Variants in LDLRAD3 observed in about 807,000 individuals in gnomAD.
LDLRAD3 encodes low-density lipoprotein receptor class A domain-containing protein 3.
Under a neutral mutation model 29.4 loss-of-function variants are expected in LDLRAD3, and 20 were observed. That is an observed-to-expected ratio of 0.68 (90% CI 0.48 to 0.99). The LOEUF (loss-of-function observed/expected upper bound fraction) is 0.99, where lower values mean the gene tolerates loss of function less well. LDLRAD3 is among the 50% of genes least tolerant of loss of function. The probability of loss-of-function intolerance (pLI) is 0.00; values close to 1 mark genes in which losing one functional copy is unlikely to be tolerated. For missense variants in LDLRAD3, 420 were observed against 454.3 expected, an observed-to-expected ratio of 0.92 and a Z score of 0.69; for synonymous variants, 157 against 192.7, an observed-to-expected ratio of 0.81 and a Z score of 1.53.
intron 1 of LDLRAD3, among the ~76,000 whole-genome samples, chr11:35,962,047 A>C (rs1851284075): frequency 6.6e-6 from 1 of 152,216 alleles, no homozygotes; most frequent in Non-Finnish European, 1.5e-5. Flanking sequence ...GTCACTAATC[A>C]TGAACTAGAA....
intron 4 of LDLRAD3, among the ~76,000 whole-genome samples, chr11:36,152,770 CTT>C (rs1181141999): frequency 6.6e-6 from 1 of 152,236 alleles, no homozygotes; most frequent in Non-Finnish European, 1.5e-5. Flanking sequence ...TTCCCCCAGA[CTT>C]TACTCCATGC....
At chr11:35,989,670 A>G (rs996709383) in intron 1 of LDLRAD3, among the ~76,000 whole-genome samples, 24 of 152,144 alleles carry the variant, frequency 1.6e-4, no homozygotes, top group African/African-American at 5.3e-4. Flanking sequence ...TGGCTATTAT[A>G]AATGGGATTG....
At chr11:36,076,222 GTCCATCCA>G (rs56767260) in intron 2 of LDLRAD3, among the ~76,000 whole-genome samples, 39 of 145,514 alleles carry the variant, frequency 2.7e-4, no homozygotes, top group African/African-American at 6.0e-4. Context: ...CTGTCCATCC[GTCCATCCA>G]TCCATCCATC....
chr11:36,077,117 A>G (rs889229331), intron 2 of LDLRAD3, among the ~76,000 whole-genome samples: 1 of 152,222 alleles, frequency 6.6e-6, no homozygotes, highest in Non-Finnish European at 1.5e-5. Context: ...GTTAAGTCAG[A>G]TAGATATACT....
intron 2 of LDLRAD3, among the ~76,000 whole-genome samples, chr11:36,057,888 G>A (rs902110416): frequency 6.6e-6 from 1 of 152,076 alleles, no homozygotes; most frequent in African/African-American, 2.4e-5. Flanking sequence ...TTCACATCCT[G>A]GCTCTGCCAC....
rs138630280 is a variant in LDLRAD3, at chr11:36,064,012, A to G, written c.194-17641A>G. Among the ~76,000 whole-genome samples the G allele has an allele frequency of 3.5e-3, 529 of 152,290 alleles. 5 individuals carry two copies. The highest frequency in any genetic ancestry group is 0.012 in the African/African-American group (497 of 41,570). On this transcript the variant is annotated intron_variant, in intron 2 of 5. Coordinates refer to ENST00000315571, the MANE Select transcript of LDLRAD3 (RefSeq NM_174902.4). ...GTGGATCAATTTGGGGAGTATTGCCATCTTACCCAATTTTAAGTCTTTCAA... is the reference window on the plus strand; with the variant it reads ...GTGGATCAATTTGGGGAGTATTGCCGTCTTACCCAATTTTAAGTCTTTCAA...
intron 4 of LDLRAD3, among the ~76,000 whole-genome samples, chr11:36,175,813 C>T (rs1026157235): frequency 1.1e-4 from 17 of 152,240 alleles, no homozygotes; most frequent in Non-Finnish European, 2.2e-4. Flanking sequence ...CTGTACATAT[C>T]TGTTAAGTTT....
chr11:36,021,829 T>C (rs79273147), intron 1 of LDLRAD3, among the ~76,000 whole-genome samples: 2,167 of 152,248 alleles, frequency 0.014, 34 homozygotes, highest in East Asian at 0.077. Flanking sequence ...CTTTCTTTTT[T>C]TGGTAGAAAT....
chr11:36,036,212 G>T lies in LDLRAD3; in HGVS notation c.156G>T (p.Leu52=). 1.2e-6 allele frequency: 2 copies of T among 1,614,208 alleles called. No homozygotes were observed. The highest frequency in any genetic ancestry group is 1.7e-6 in the Non-Finnish European group (2 of 1,180,038). The change falls in exon 2 of 6, where the codon CTG becomes CTT. Residue 52 remains leucine (L), a synonymous_variant. Coordinates refer to ENST00000315571, the MANE Select transcript of LDLRAD3 (RefSeq NM_174902.4). ...CGGGCGCCTGGCAGTGTGACGGGCT[G>T]CCTGACTGCTTCGACAAGAGTGATG... ...CIPGAWQCDG[L]PDCFDKSDEK...
intron 2 of LDLRAD3, among the ~76,000 whole-genome samples, chr11:36,071,207 A>T (rs1532566): frequency 6.6e-6 from 1 of 152,122 alleles, no homozygotes; most frequent in Admixed American, 6.5e-5. Flanking sequence ...CCATGGGATG[A>T]TCTCAGCCTT....
intron 1 of LDLRAD3, among the ~76,000 whole-genome samples, chr11:36,014,408 A>G (rs147734976): frequency 6.6e-6 from 1 of 152,206 alleles, no homozygotes; most frequent in African/African-American, 2.4e-5. Flanking sequence ...ATGGGAAATG[A>G]TAACTTCTGT....
intron 4 of LDLRAD3, among the ~76,000 whole-genome samples, chr11:36,175,928 G>A (rs917004210): frequency 1.3e-5 from 2 of 152,102 alleles, no homozygotes; most frequent in Non-Finnish European, 2.9e-5. Context: ...CTATTATTGT[G>A]TTGCTGTCTA....
chr11:36,021,874 CT>C (rs1166654449), intron 1 of LDLRAD3, among the ~76,000 whole-genome samples: 2 of 152,094 alleles, frequency 1.3e-5, no homozygotes, highest in Admixed American at 6.6e-5. Flanking sequence ...TGATCTTGAA[CT>C]TCTAGGCTCA....
intron 1 of LDLRAD3, among the ~76,000 whole-genome samples, chr11:35,952,435 C>A (rs373356325): frequency 6.6e-6 from 1 of 152,286 alleles, no homozygotes; most frequent in Middle Eastern, 3.4e-3. Flanking sequence ...CAAGTTGATT[C>A]TACTCAAATG....
intron 2 of LDLRAD3, among the ~76,000 whole-genome samples, chr11:36,040,515 C>G (rs1040859715): frequency 2.6e-5 from 4 of 152,044 alleles, no homozygotes; most frequent in Non-Finnish European, 5.9e-5. Flanking sequence ...TGTATCTCCC[C>G]CCATTTTTCT....
chr11:35,992,540 C>G (rs1851703466), intron 1 of LDLRAD3, among the ~76,000 whole-genome samples: 1 of 152,136 alleles, frequency 6.6e-6, no homozygotes, highest in African/African-American at 2.4e-5. Context: ...CTGATACATG[C>G]TACAGTATGA....
At chr11:36,056,302 C>T (rs537766546) in intron 2 of LDLRAD3, among the ~76,000 whole-genome samples, 2 of 152,166 alleles carry the variant, frequency 1.3e-5, no homozygotes, top group East Asian at 3.9e-4. Flanking sequence ...TGACAGCCTG[C>T]CTTTAAACAG....
chr11:36,034,768 A>G (rs1852282050), intron 1 of LDLRAD3, among the ~76,000 whole-genome samples: 1 of 152,224 alleles, frequency 6.6e-6, no homozygotes, highest in Non-Finnish European at 1.5e-5. Flanking sequence ...GCCAGGGGAC[A>G]CGTCAGAGGA....
chr11:36,085,624 G>T (rs1484620425), intron 3 of LDLRAD3, among the ~76,000 whole-genome samples: 1 of 151,654 alleles, frequency 6.6e-6, no homozygotes, highest in Non-Finnish European at 1.5e-5. Flanking sequence ...TTATATTTTG[G>T]GGGGTAGGTC....
Sources: allele counts gnomAD v4.1 joint callset (sites outside exome capture counted in the v4.1 genomes callset), GRCh38; gene constraint gnomAD v4.1.1; transcripts MANE v1.5; gene names NCBI Gene and HGNC (gene_info 2026-07-23, HGNC 2026-07-21).